Variants in MAP3K8 observed in about 807,000 individuals in gnomAD.
The protein encoded by MAP3K8 is Ewing sarcoma transformant.
Under a neutral mutation model 45.8 loss-of-function variants are expected in MAP3K8, and 22 were observed. The observed-to-expected ratio is 0.48, with a 90% CI of 0.34 to 0.69. The LOEUF is 0.69. Among genes scored for constraint, MAP3K8 ranks in the 30% least tolerant of loss-of-function variants. MAP3K8 has a pLI of 0.01. For synonymous variants in MAP3K8, 223 were observed against 214.3 expected (o/e 1.04, Z -0.36); for missense variants, 419 against 585.0 (o/e 0.72, Z 2.93).
Position 30,460,925 on chromosome 10 carries a change from T to C in MAP3K8, c.*89T>C, listed in dbSNP as rs1323948953. ...CTACACAGGGGCCCTGTACAGTGAA[T>C]GGTGCCATTTTCGAAGGAGCAGTGT... is the stretch of plus-strand genomic sequence containing the variant. On this transcript the variant is annotated 3_prime_UTR_variant, in exon 9 of 9. Transcript: ENST00000263056. 1 of 1,495,794 alleles carries C rather than the reference T, an allele frequency of 6.7e-7. No individual in the cohort carries two copies. The highest frequency in any genetic ancestry group is 8.9e-7 in the Non-Finnish European group (1 of 1,118,326). 92.7% of individuals were successfully genotyped at this position (1,495,794 alleles called of 1,614,324 possible).
chr10:30,440,573 C>T (rs920685237), intron 3 of MAP3K8, among the ~76,000 whole-genome samples: 13 of 152,070 alleles, frequency 8.5e-5, no homozygotes, highest in African/African-American at 3.1e-4. Context: ...TTTGGTCTGG[C>T]TCTATCAAGC....
At position 30,460,731 on chromosome 10, in the gene MAP3K8, G is replaced by T; in HGVS notation, c.1299G>T (p.Glu433Asp). ...IADSSCTGST[E>D]ESEMLKRQRS... is the part of the protein sequence containing the mutation. ...ATTCTTCGTGCACAGGAAGCACCGAGGAATCTGAGATGCTCAAGAGGCAAC... is the reference window on the plus strand; with the variant it reads ...ATTCTTCGTGCACAGGAAGCACCGATGAATCTGAGATGCTCAAGAGGCAAC... Residue 433 changes from glutamate (E) to aspartate (D), a missense_variant, in exon 9 of 9, where the codon GAG becomes GAT. Glu to Asp is a conservative substitution (Grantham distance 45). This residue lies in a region of MAP3K8 where 108 missense variants were observed against 124.2 expected (regional missense o/e 0.87). Transcript: ENST00000263056. The T allele has an allele frequency of 6.2e-7, 1 of 1,611,668 alleles. No individual in the cohort carries two copies.
intron 2 of MAP3K8, among the ~76,000 whole-genome samples, chr10:30,437,821 T>G (rs1490017359): frequency 6.6e-6 from 1 of 152,220 alleles, no homozygotes; most frequent in African/African-American, 2.4e-5. Context: ...TTCTCAGAAC[T>G]TGAAATACCT....
intron 4 of MAP3K8, among the ~76,000 whole-genome samples, chr10:30,449,921 C>T (rs1836478410): frequency 6.6e-6 from 1 of 152,152 alleles, no homozygotes; most frequent in South Asian, 2.1e-4. Context: ...ACTCAAGGTA[C>T]CATAGATACT....
At chr10:30,443,778 G>A (rs1042229216) in intron 3 of MAP3K8, among the ~76,000 whole-genome samples, 7 of 152,142 alleles carry the variant, frequency 4.6e-5, no homozygotes, top group Non-Finnish European at 7.4e-5. Context: ...GTGTTGTTTC[G>A]TATAAATGAC....
At chr10:30,455,884 C>T (rs906804321) in intron 6 of MAP3K8, among the ~76,000 whole-genome samples, 1 of 152,192 alleles carries the variant, frequency 6.6e-6, no homozygotes, top group Non-Finnish European at 1.5e-5. Context: ...CCCTGCTGCT[C>T]CCTGATCTAA....
chr10:30,440,642 A>G (rs1836070837), intron 3 of MAP3K8, among the ~76,000 whole-genome samples: 1 of 152,216 alleles, frequency 6.6e-6, no homozygotes, highest in Non-Finnish European at 1.5e-5. Flanking sequence ...TTTATAAATG[A>G]GAAATAATCA....
chr10:30,439,290 A>G lies in MAP3K8; in HGVS notation c.336+16A>G. ...ATTAAACATGGTACGTTTCTTTCCG[A>G]TCAGTTGGGTGCTATGTGCTCAGCT... is the stretch of plus-strand genomic sequence containing the variant. On this transcript the variant is annotated intron_variant, in intron 3 of 8. Coordinates refer to ENST00000263056, the MANE Select transcript of MAP3K8 (RefSeq NM_005204.4). The G allele has an allele frequency of 6.2e-7, 1 of 1,614,050 alleles. No homozygotes were observed. Among genetic ancestry groups the G allele is most frequent in the South Asian group, 1.1e-5 (1 of 91,082 alleles).
At chr10:30,453,168 C>T (rs913846232) in intron 6 of MAP3K8, among the ~76,000 whole-genome samples, 1 of 152,210 alleles carries the variant, frequency 6.6e-6, no homozygotes, top group Middle Eastern at 3.4e-3. Context: ...GTGACAGACC[C>T]TGGACTTGAA....
chr10:30,451,746 TA>T lies in MAP3K8; in HGVS notation c.873+4del. The T allele has an allele frequency of 6.7e-7, 1 of 1,485,622 alleles. No individual in the cohort carries two copies. The highest frequency in any genetic ancestry group is 9.2e-7 in the Non-Finnish European group (1 of 1,082,566). The allele number at this position is 1,485,622 out of a possible 1,614,324, so 92.0% of individuals were successfully genotyped here. A position where few individuals can be genotyped will look rare whatever the true frequency, so the allele number is the denominator to read the frequency against. ...CCTAAGGACCTCCGAGGAACAGAGG[TA>T]ATTATGTTCACATGAAAAGGGTTAC... On this transcript the variant is annotated splice_donor_region_variant and intron_variant, in intron 6 of 8. Transcript: ENST00000263056.
chr10:30,447,683 C>T (rs971112285), intron 3 of MAP3K8, 99 bp from the exon 4 acceptor site: 1 of 854,944 alleles, frequency 1.2e-6, no homozygotes, highest in Non-Finnish European at 2.0e-6. Context: ...AACTGTGTAT[C>T]AGAATGCTGC....
Position 30,450,351 on chromosome 10 carries a change from G to T in MAP3K8, c.598G>T (p.Gly200Cys). 6.2e-7 allele frequency: 1 copy of T among 1,614,120 alleles called. No individual in the cohort carries two copies. The highest frequency in any genetic ancestry group is 8.5e-7 in the Non-Finnish European group (1 of 1,180,028). Residue 200 changes from glycine (G) to cysteine (C), a missense_variant, in exon 5 of 9, where the codon GGT becomes TGT. By Grantham distance (159) the Gly-to-Cys change is radical. Around this residue, in one of 3 missense-constraint regions of MAP3K8, gnomAD observed 209 missense variants for 367.3 expected, o/e 0.57. Transcript: ENST00000263056. ...AGAGCTGTATGGCGCAGTCCTGTGGGGTGAAACTGTCCATCTCTTTATGGA... is the reference window on the plus strand; with the variant it reads ...AGAGCTGTATGGCGCAGTCCTGTGGTGTGAAACTGTCCATCTCTTTATGGA... ...IAELYGAVLW[G>C]ETVHLFMEAG...
chr10:30,444,338 C>G (rs1452553017), intron 3 of MAP3K8, among the ~76,000 whole-genome samples: 3 of 152,086 alleles, frequency 2.0e-5, no homozygotes, highest in African/African-American at 4.8e-5. Flanking sequence ...TGGCACATGC[C>G]TGTAATCCCA....
At chr10:30,434,495 G>A (rs533944677) in intron 1 of MAP3K8, 117 bp downstream of exon 1, 2 of 985,666 alleles carry the variant, frequency 2.0e-6, no homozygotes, top group East Asian at 2.3e-4. Context: ...ACTCTGGCGT[G>A]GGAAGAGGTG....
At chr10:30,454,341 C>G (rs1836660541) in intron 6 of MAP3K8, among the ~76,000 whole-genome samples, 2 of 152,096 alleles carry the variant, frequency 1.3e-5, no homozygotes, top group Non-Finnish European at 2.9e-5. Flanking sequence ...AAACCAGATT[C>G]TTCCAGCCTG....
At chr10:30,435,109 A>G (rs1448819018) in intron 1 of MAP3K8, among the ~76,000 whole-genome samples, 5 of 152,348 alleles carry the variant, frequency 3.3e-5, no homozygotes, top group African/African-American at 1.2e-4. Context: ...GATTGTCTCC[A>G]TAGTTAACAG....
chr10:30,441,160 C>CT (rs11331000), intron 3 of MAP3K8, among the ~76,000 whole-genome samples: 214 of 144,284 alleles, frequency 1.5e-3, no homozygotes, highest in Middle Eastern at 7.0e-3. Flanking sequence ...AAGGAGAATT[C>CT]TTTTTTTTTT....
chr10:30,453,189 TC>T (rs1373618647), intron 6 of MAP3K8, among the ~76,000 whole-genome samples: 1 of 152,158 alleles, frequency 6.6e-6, no homozygotes, highest in African/African-American at 2.4e-5. Flanking sequence ...CCCAGTTCTT[TC>T]TAAGTCTAAC....
At chr10:30,437,432 T>C in intron 2 of MAP3K8, 26 bp downstream of exon 2, 3 of 457,208 alleles carry the variant, frequency 6.6e-6, no homozygotes, top group Non-Finnish European at 8.6e-6. Context: ...ACTTCCATTT[T>C]ACAGATGGGG....
Sources: gnomAD v4.1 joint callset for allele counts (sites outside exome capture counted in the v4.1 genomes callset) on GRCh38, gnomAD v4.1.1 for gene constraint, gnomAD v4.1.1 regional missense constraint, MANE v1.5 for transcripts, NCBI Gene and HGNC (gene_info 2026-07-23, HGNC 2026-07-21) for gene names.